KLHDC2: variants seen among roughly 807,000 people sequenced by gnomAD.
The protein encoded by KLHDC2 is kelch domain-containing protein 2.
KLHDC2 carries 38 observed loss-of-function variants against 62.3 expected under a neutral mutation model. The ratio of observed to expected loss-of-function variants is 0.61; its 90% CI spans 0.47 to 0.80. The LOEUF is 0.80. KLHDC2 is among the 30% of genes least tolerant of loss of function. The pLI, the probability that KLHDC2 is intolerant of heterozygous loss-of-function variation, is 0.00. For missense variants in KLHDC2, 430 were observed against 495.3 expected (o/e 0.87, Z 1.25); for synonymous variants, 159 against 161.0 (o/e 0.99, Z 0.09).
rs10584257 is a variant in KLHDC2 at position 49,775,615 on chromosome 14, C to CTT, written c.351+959_351+960dup. 3.4e-3 allele frequency among the ~76,000 whole-genome samples: 295 copies of CTT among 87,826 alleles called. 3 individuals are homozygous for CTT. Among genetic ancestry groups the CTT allele is most frequent in the African/African-American group, 0.013 (278 of 21,692 alleles). 57.6% of individuals were successfully genotyped at this position (87,826 alleles called of 152,430 possible). ...AAGATACAGAGATATAAGCAAATGT[C>CTT]TTTTTTTTTTTTTTTTTTTTTTTCG... is the stretch of plus-strand genomic sequence containing the variant. On this transcript the variant is annotated intron_variant, in intron 3 of 12. Transcript: ENST00000298307.
intron 10 of KLHDC2, among the ~76,000 whole-genome samples, chr14:49,781,369 CAAAAA>C (rs1555343492): frequency 5.6e-5 from 7 of 124,692 alleles, no homozygotes; most frequent in Non-Finnish European, 1.2e-4. Context: ...AACTCTGTCT[CAAAAA>C]AAAAAAAAAA....
At position 49,784,906 on chromosome 14, in the gene KLHDC2, T is replaced by C; in HGVS notation, c.*1953T>C. On this transcript the variant is annotated 3_prime_UTR_variant, in exon 13 of 13. Coordinates refer to ENST00000298307, the MANE Select transcript of KLHDC2 (RefSeq NM_014315.3). ...TGTACTGTCAGTCTCCACATTCCTTTTCTGAAGGAGAACTTTACCTTTACG... is the reference window on the plus strand; with the variant it reads ...TGTACTGTCAGTCTCCACATTCCTTCTCTGAAGGAGAACTTTACCTTTACG... The C allele has an allele frequency of 3.7e-6, 6 of 1,603,104 alleles. No individual in the cohort carries two copies. Among genetic ancestry groups the C allele is most frequent in the Non-Finnish European group, 4.3e-6 (5 of 1,171,160 alleles).
intron 4 of KLHDC2, 69 bp downstream of exon 4, chr14:49,778,023 C>T (rs1172072912): frequency 2.4e-5 from 25 of 1,036,756 alleles, no homozygotes; most frequent in Non-Finnish European, 2.9e-6. Flanking sequence ...TATCCTTAGC[C>T]AGTAAACATT....
intron 11 of KLHDC2, 35 bp from the exon 12 acceptor site, chr14:49,782,507 T>C: frequency 6.3e-7 from 1 of 1,598,126 alleles, no homozygotes; most frequent in Non-Finnish European, 8.6e-7. Flanking sequence ...GCAAAGCATT[T>C]GCTTTTAAAT....
intron 3 of KLHDC2, 85 bp from the exon 4 acceptor site, chr14:49,777,754 T>C: frequency 2.7e-6 from 2 of 747,912 alleles, no homozygotes; most frequent in South Asian, 1.8e-5. Context: ...GATGGCACTC[T>C]TATCATAAAT....
intron 2 of KLHDC2, among the ~76,000 whole-genome samples, chr14:49,772,784 C>G (rs1012198724): frequency 2.0e-5 from 3 of 152,014 alleles, no homozygotes; most frequent in Non-Finnish European, 4.4e-5. Context: ...TGGTGAAACC[C>G]CATCTCTACA....
At position 49,771,602 on chromosome 14, in the gene KLHDC2, A is replaced by G; in HGVS notation, c.162A>G (p.Gln54=). ...MFVWGGYKSN[Q]VRGLYDFYLP... Reference sequence around the variant, plus strand: ...ATTTTTTTTATTCTTAGAGTAATCAAGTCAGAGGATTATATGACTTTTATC... The same window carrying G: ...ATTTTTTTTATTCTTAGAGTAATCAGGTCAGAGGATTATATGACTTTTATC... The change falls in exon 2 of 13, where the codon CAA becomes CAG. Residue 54 remains glutamine (Q), a synonymous_variant. Coordinates refer to ENST00000298307, the MANE Select transcript of KLHDC2 (RefSeq NM_014315.3). 7.0e-7 allele frequency: 1 copy of G among 1,428,464 alleles called. No individual in the cohort carries two copies. Among genetic ancestry groups the G allele is most frequent in the Non-Finnish European group, 9.9e-7 (1 of 1,011,516 alleles). The allele number at this position is 1,428,464 out of a possible 1,614,324, so 88.5% of individuals were successfully genotyped here.
intron 2 of KLHDC2, among the ~76,000 whole-genome samples, chr14:49,773,275 G>A (rs751151435): frequency 3.3e-5 from 5 of 150,846 alleles, no homozygotes; most frequent in African/African-American, 4.9e-5. Flanking sequence ...TTAGCCGGGC[G>A]TGGAGGCACG....
chr14:49,778,038 C>G, intron 4 of KLHDC2, 84 bp downstream of exon 4: 1 of 950,478 alleles, frequency 1.1e-6, no homozygotes, highest in South Asian at 1.5e-5. Context: ...AACATTTGCA[C>G]AGAACATACC....
In KLHDC2 at chr14:49,779,571, A is replaced by G. The variant is rs201428463; in HGVS notation, c.634-24A>G. 2.1e-5 allele frequency: 34 copies of G among 1,593,488 alleles called. No homozygotes were observed. The Middle Eastern group carries it at 5.0e-4, about 23-fold the overall frequency. On this transcript the variant is annotated intron_variant, in intron 6 of 12. Coordinates refer to ENST00000298307, the MANE Select transcript of KLHDC2 (RefSeq NM_014315.3). Reference sequence around the variant, plus strand: ...TTTCCCTGTTTATAAAAAGTTCACTAACTTGCTTATGTGCCTCTAATAGGG... The same window carrying G: ...TTTCCCTGTTTATAAAAAGTTCACTGACTTGCTTATGTGCCTCTAATAGGG...
At chr14:49,771,713 T>A in intron 2 of KLHDC2, 40 bp downstream of exon 2, 1 of 1,059,120 alleles carries the variant, frequency 9.4e-7, no homozygotes, top group Non-Finnish European at 1.5e-6. Flanking sequence ...AAAATTCAGA[T>A]AAGGGCTGGG....
chr14:49,778,561 G>GGGGTGGGGA, intron 6 of KLHDC2, 67 bp downstream of exon 6: 1 of 297,528 alleles, frequency 3.4e-6, no homozygotes, highest in Non-Finnish European at 7.1e-6. Context: ...TGGGGTAGGG[G>GGGGTGGGGA]AGAGGGGTGC....
chr14:49,768,883 T>G, intron 1 of KLHDC2: 1 of 452,184 alleles, frequency 2.2e-6, no homozygotes, highest in Non-Finnish European at 3.9e-6. Flanking sequence ...CCCACCCCCG[T>G]TGTTGCCATT....
Position 49,782,984 on chromosome 14 carries a change from G to C in KLHDC2, c.*31G>C. ...CATAAATAATGCCTATGATCACCTT[G>C]CATGGACAGCAATCCTGTAAACATC... On this transcript the variant is annotated 3_prime_UTR_variant, in exon 13 of 13. Coordinates refer to ENST00000298307, the MANE Select transcript of KLHDC2 (RefSeq NM_014315.3). 1 of 1,601,606 alleles carries C rather than the reference G, an allele frequency of 6.2e-7. No homozygotes were observed. Among genetic ancestry groups the C allele is most frequent in the Middle Eastern group, 1.7e-4 (1 of 6,008 alleles).
rs961232982 is a variant in KLHDC2, at chr14:49,768,255, C to G, written c.-214C>G. On this transcript the variant is annotated 5_prime_UTR_variant, in exon 1 of 13. Coordinates refer to ENST00000298307, the MANE Select transcript of KLHDC2 (RefSeq NM_014315.3). ...CCGCCCGGCTCCGCTCGCGGCCCCT[C>G]TGTCTGCAGGCGTGCCCCGGCGGCG... 9 of 441,522 alleles carry G rather than the reference C, an allele frequency of 2.0e-5. No individual in the cohort carries two copies. The highest frequency in any genetic ancestry group is 1.9e-4 in the African/African-American group (9 of 48,134). 27.4% of individuals were successfully genotyped at this position (441,522 alleles called of 1,614,324 possible).
At chr14:49,773,637 C>G (rs1180211653) in intron 2 of KLHDC2, among the ~76,000 whole-genome samples, 2 of 145,738 alleles carry the variant, frequency 1.4e-5, no homozygotes, top group South Asian at 4.3e-4. Flanking sequence ...AGTGCAGTGG[C>G]GCAATCTCGA....
chr14:49,773,231 G>C (rs1214853215), intron 2 of KLHDC2, among the ~76,000 whole-genome samples: 1 of 151,210 alleles, frequency 6.6e-6, no homozygotes, highest in East Asian at 2.0e-4. Context: ...GGCTAACATG[G>C]TGAAACCCTG....
rs75533958 is a variant in KLHDC2 at position 49,780,213 on chromosome 14, A to C, written c.774A>C (p.Leu258Phe). The C allele has an allele frequency of 4.1e-4, 643 of 1,587,412 alleles. No homozygotes were observed. The highest frequency in any genetic ancestry group is 3.0e-3 in the East Asian group (134 of 44,714). Residue 258 changes from leucine to phenylalanine, a missense_variant and splice_region_variant, in exon 9 of 13, where the codon TTA becomes TTC. Coordinates refer to ENST00000298307, the MANE Select transcript of KLHDC2 (RefSeq NM_014315.3). ...ATTGTAACTTAGCTATTATTTTCAGAATTCCACAAGGCATATGCCCAGTTG... is the reference window on the plus strand; with the variant it reads ...ATTGTAACTTAGCTATTATTTTCAGCATTCCACAAGGCATATGCCCAGTTG... ...LNLDTWEWNELIPQGICPVGR... is the reference protein window; with the variant it reads ...LNLDTWEWNEFIPQGICPVGR...
At chr14:49,775,205 T>G (rs1889745201) in intron 3 of KLHDC2, among the ~76,000 whole-genome samples, 1 of 152,194 alleles carries the variant, frequency 6.6e-6, no homozygotes, top group Non-Finnish European at 1.5e-5. Context: ...AGAGACAGAT[T>G]AAGTCAATCA....
Sources: allele counts gnomAD v4.1 joint callset (sites outside exome capture counted in the v4.1 genomes callset), GRCh38; gene constraint gnomAD v4.1.1; transcripts MANE v1.5; gene names NCBI Gene and HGNC (gene_info 2026-07-23, HGNC 2026-07-21).